TMC5: variants seen among roughly 807,000 people sequenced by gnomAD.
TMC5 encodes the protein transmembrane channel-like protein 5.
Under a neutral mutation model 110.5 loss-of-function variants are expected in TMC5, and 86 were observed. That is an observed-to-expected ratio of 0.78 (90% confidence interval 0.65 to 0.93). TMC5 has a LOEUF of 0.93. Among genes scored for constraint, TMC5 ranks in the 40% least tolerant of loss-of-function variants. The probability of loss-of-function intolerance (pLI) is 0.00; values close to 1 mark genes in which losing one functional copy is unlikely to be tolerated. For missense variants in TMC5, 1,144 were observed against 1,222.8 expected (o/e 0.94, Z 0.96); for synonymous variants, 455 against 439.5 (o/e 1.04, Z -0.44).
chr16:19,412,523 G>A (rs374040447), intron 1 of TMC5, among the ~76,000 whole-genome samples: 2 of 152,024 alleles, frequency 1.3e-5, no homozygotes, highest in African/African-American at 4.8e-5. Context: ...CCACCACCAG[G>A]CCTGGCTAAT....
chr16:19,439,269 G>T (rs2143458939), intron 2 of TMC5, among the ~76,000 whole-genome samples: 1 of 152,256 alleles, frequency 6.6e-6, no homozygotes, highest in Admixed American at 6.5e-5. Context: ...TTTCAAACTG[G>T]AAGGGGTCAT....
At chr16:19,490,102 GA>G (rs1002891917) in intron 17 of TMC5, among the ~76,000 whole-genome samples, 19 of 152,110 alleles carry the variant, frequency 1.2e-4, no homozygotes, top group African/African-American at 4.3e-4. Context: ...AACTTCTTAA[GA>G]AAAAAAGTCT....
At chr16:19,458,076 C>T (rs527550998) in intron 5 of TMC5, among the ~76,000 whole-genome samples, 4 of 152,076 alleles carry the variant, frequency 2.6e-5, no homozygotes, top group African/African-American at 9.6e-5. Context: ...GGGCTAATTC[C>T]TCCTCACCCT....
Position 19,498,073 on chromosome 16 carries a change from A to G in TMC5, c.*107A>G. The G allele has an allele frequency of 8.6e-7, 1 of 1,160,774 alleles. No individual in the cohort carries two copies. Among genetic ancestry groups the G allele is most frequent in the Non-Finnish European group, 1.3e-6 (1 of 773,676 alleles). 71.9% of individuals were successfully genotyped at this position (1,160,774 alleles called of 1,614,324 possible). A position where few individuals can be genotyped will look rare whatever the true frequency, so the allele number is the denominator to read the frequency against. On this transcript the variant is annotated 3_prime_UTR_variant, in exon 22 of 22. Coordinates refer to ENST00000542583, the MANE Select transcript of TMC5 (RefSeq NM_001261841.2). Reference sequence around the variant, plus strand: ...TTAGGAACTGCCCAGAAGAAAATCCAAGGCTTTAGCCAGGAGCGGAAACTG... The same window carrying G: ...TTAGGAACTGCCCAGAAGAAAATCCGAGGCTTTAGCCAGGAGCGGAAACTG...
chr16:19,434,135 T>C (rs1227710344), intron 2 of TMC5, among the ~76,000 whole-genome samples: 1 of 120,250 alleles, frequency 8.3e-6, no homozygotes, highest in East Asian at 2.1e-4. Flanking sequence ...ATCTAAAATA[T>C]ATATATCTAT....
At chr16:19,450,971 A>G (rs1296870821) in intron 5 of TMC5, among the ~76,000 whole-genome samples, 1 of 152,156 alleles carries the variant, frequency 6.6e-6, no homozygotes, top group Non-Finnish European at 1.5e-5. Flanking sequence ...AGACTGAAAA[A>G]TAAAAAGGAA....
chr16:19,483,197 G>T (rs573888284), intron 15 of TMC5, among the ~76,000 whole-genome samples: 1 of 152,230 alleles, frequency 6.6e-6, no homozygotes, highest in East Asian at 1.9e-4. Flanking sequence ...TCACTCTGTT[G>T]CTCAGGCTGG....
chr16:19,446,985 C>T (rs1321633442), intron 4 of TMC5, among the ~76,000 whole-genome samples: 2 of 151,944 alleles, frequency 1.3e-5, no homozygotes, highest in Non-Finnish European at 2.9e-5. Flanking sequence ...GTGCCTGGCC[C>T]ACAGTAGGTG....
Position 19,463,366 on chromosome 16 carries a change from G to T in TMC5, c.1235G>T (p.Arg412Leu). The T allele has an allele frequency of 6.2e-7, 1 of 1,610,710 alleles. No homozygotes were observed. The highest frequency in any genetic ancestry group is 8.5e-7 in the Non-Finnish European group (1 of 1,176,958). The change falls in exon 7 of 22, where the codon CGG becomes CTG. Residue 412 changes from arginine (R) to leucine (L), a missense_variant and splice_region_variant. By Grantham distance (102) the Arg-to-Leu change is moderately radical. Transcript: ENST00000542583. Reference protein sequence around the residue: ...CCIQCLNSISRAYRRSKNSLS... With the variant: ...CCIQCLNSISLAYRRSKNSLS... ...ATTCAGTGTCTGAACTCCATTTCCC[G>T]GGTAAGTCAGTAAAACAGGCACAGC... is the stretch of plus-strand genomic sequence containing the variant.
At chr16:19,455,811 G>C (rs971323857) in intron 5 of TMC5, among the ~76,000 whole-genome samples, 1 of 152,138 alleles carries the variant, frequency 6.6e-6, no homozygotes, top group Non-Finnish European at 1.5e-5. Context: ...GAGACTGAGA[G>C]CCAGACAAAT....
At chr16:19,457,772 G>A (rs1026367070) in intron 5 of TMC5, among the ~76,000 whole-genome samples, 1 of 123,402 alleles carries the variant, frequency 8.1e-6, no homozygotes, top group African/African-American at 2.9e-5. Context: ...CACCCAGGCT[G>A]GAGTGTAGAG....
intron 1 of TMC5, among the ~76,000 whole-genome samples, chr16:19,425,552 A>G (rs987839085): frequency 2.6e-5 from 4 of 152,136 alleles, no homozygotes; most frequent in African/African-American, 9.7e-5. Context: ...GTTGGGTGGT[A>G]TAATTTGGAC....
intron 12 of TMC5, among the ~76,000 whole-genome samples, chr16:19,476,401 T>G (rs1199754081): frequency 6.6e-6 from 1 of 152,118 alleles, no homozygotes; most frequent in Admixed American, 6.5e-5. Context: ...ACTCTGACTA[T>G]ATTCCTATGC....
At chr16:19,487,979 G>A (rs1037863702) in intron 17 of TMC5, 1 of 152,744 alleles carries the variant, frequency 6.5e-6, no homozygotes. Flanking sequence ...AGCAGGTTTA[G>A]GGTTGGCTGG....
intron 20 of TMC5, among the ~76,000 whole-genome samples, chr16:19,494,790 G>A (rs1315576509): frequency 6.6e-6 from 1 of 151,950 alleles, no homozygotes; most frequent in Non-Finnish European, 1.5e-5. Context: ...CTAGGTGACA[G>A]AGTGGCACTC....
intron 12 of TMC5, 121 bp downstream of exon 12, chr16:19,474,397 G>C: frequency 5.0e-6 from 6 of 1,200,804 alleles, no homozygotes; most frequent in Non-Finnish European, 5.9e-6. Context: ...AATTTCAAAA[G>C]TAAGGTGTGG....
In TMC5 at chr16:19,448,924, C is replaced by T. The variant is rs190705043; in HGVS notation, c.959-618C>T. ...TTGCCCAAGCTGGTGTGCAGTGGCG[C>T]GATCTCGGCTCACTGCAAGCTCCAC... On this transcript the variant is annotated intron_variant, in intron 4 of 21. Coordinates refer to ENST00000542583, the MANE Select transcript of TMC5 (RefSeq NM_001261841.2). Among the ~76,000 whole-genome samples, 125 of 145,262 alleles carry T rather than the reference C, an allele frequency of 8.6e-4. No individual in the cohort carries two copies. The East Asian group carries it at 9.0e-3, about 11-fold the overall frequency.
Position 19,463,841 on chromosome 16 carries a change from G to T in TMC5, c.1302G>T (p.Thr434=). The change falls in exon 8 of 22, where the codon ACG becomes ACT. Residue 434 remains threonine (T), a synonymous_variant. Transcript: ENST00000542583. ...ATTCCATCAGCCTGTGGCAGAAGAC[G>T]CTGAAGATCATTGGAGGCAAGTTTG... ...ILNSISLWQK[T]LKIIGGKFGT... is the part of the protein sequence containing the mutation. 1 of 1,614,182 alleles carries T rather than the reference G, an allele frequency of 6.2e-7. No individual in the cohort carries two copies. Among genetic ancestry groups the T allele is most frequent in the South Asian group, 1.1e-5 (1 of 91,088 alleles).
At chr16:19,462,940 C>T (rs1044923170) in intron 6 of TMC5, among the ~76,000 whole-genome samples, 4 of 151,718 alleles carry the variant, frequency 2.6e-5, no homozygotes, top group African/African-American at 9.7e-5. Context: ...AATGAGGTCT[C>T]GTTCAGTTGC....
Sources: allele counts gnomAD v4.1 joint callset (sites outside exome capture counted in the v4.1 genomes callset), GRCh38; gene constraint gnomAD v4.1.1; transcripts MANE v1.5; gene names NCBI Gene and HGNC (gene_info 2026-07-23, HGNC 2026-07-21).